Variants in LARS2 observed in about 807,000 individuals in gnomAD.
The protein encoded by LARS2 is leucyl-tRNA synthetase 2, mitochondrial, also known as leucine--tRNA ligase, mitochondrial.
Under a neutral mutation model 116.6 loss-of-function variants are expected in LARS2, and 81 were observed. That is an observed-to-expected ratio of 0.69 (90% CI 0.58 to 0.84). The LOEUF (loss-of-function observed/expected upper bound fraction) is 0.84. Ranked by LOEUF, LARS2 falls within the 40% of genes least tolerant of loss-of-function variation. The probability of loss-of-function intolerance (pLI) is 0.00; values close to 1 mark genes in which losing one functional copy is unlikely to be tolerated. For missense variants in LARS2, 968 were observed against 1,114.5 expected, an observed-to-expected ratio of 0.87 and a Z score of 1.87; for synonymous variants, 396 against 407.2, an observed-to-expected ratio of 0.97 and a Z score of 0.33.
chr3:45,428,679 A>G (rs1170758734), intron 6 of LARS2, among the ~76,000 whole-genome samples: 1 of 152,182 alleles, frequency 6.6e-6, no homozygotes, highest in East Asian at 1.9e-4. Flanking sequence ...ATGGAATAAC[A>G]TAGTATGTGT....
chr3:45,413,566 T>C (rs1330938267), intron 4 of LARS2, among the ~76,000 whole-genome samples: 2 of 152,228 alleles, frequency 1.3e-5, no homozygotes, highest in African/African-American at 4.8e-5. Context: ...TTTAGGACCT[T>C]TGCCCTCAAC....
chr3:45,443,508 G>C (rs990818964), intron 6 of LARS2, among the ~76,000 whole-genome samples: 1 of 152,144 alleles, frequency 6.6e-6, no homozygotes, highest in African/African-American at 2.4e-5. Context: ...GGTGAGCCTT[G>C]CGAGTGTCTG....
intron 8 of LARS2, among the ~76,000 whole-genome samples, chr3:45,472,615 A>C (rs983502675): frequency 2.6e-5 from 4 of 152,256 alleles, no homozygotes; most frequent in Non-Finnish European, 4.4e-5. Flanking sequence ...TTTTAGTTAG[A>C]GTATGATAAG....
chr3:45,526,248 C>A (rs960975282), intron 20 of LARS2, among the ~76,000 whole-genome samples: 3 of 152,138 alleles, frequency 2.0e-5, no homozygotes, highest in Non-Finnish European at 4.4e-5. Flanking sequence ...ATTGTTTTAT[C>A]CTTTTTGTTC....
rs1344248903 is a variant in LARS2, at chr3:45,548,013, G to GT, written c.*484dup. Reference sequence around the variant, plus strand: ...CTGCTAACTGAGCCTCCAGATGGTAGTGAATGGTCTCTTTGCCTTCAGGCT... The same window carrying GT: ...CTGCTAACTGAGCCTCCAGATGGTAGTTGAATGGTCTCTTTGCCTTCAGGCT... On this transcript the variant is annotated 3_prime_UTR_variant, in exon 22 of 22. Coordinates refer to ENST00000645846, the MANE Select transcript of LARS2 (RefSeq NM_015340.4). 6.5e-6 allele frequency: 1 copy of GT among 153,666 alleles called. No individual in the cohort carries two copies. Among genetic ancestry groups the GT allele is most frequent in the Non-Finnish European group, 1.4e-5 (1 of 69,106 alleles). 9.5% of individuals were successfully genotyped at this position (153,666 alleles called of 1,614,324 possible).
intron 15 of LARS2, among the ~76,000 whole-genome samples, chr3:45,512,632 G>A (rs1031352127): frequency 6.6e-6 from 1 of 152,088 alleles, no homozygotes; most frequent in Non-Finnish European, 1.5e-5. Flanking sequence ...TATACATAAG[G>A]TATAATCCCA....
At chr3:45,401,655 T>G (rs1467677396) in intron 4 of LARS2, among the ~76,000 whole-genome samples, 1 of 152,206 alleles carries the variant, frequency 6.6e-6, no homozygotes, top group Non-Finnish European at 1.5e-5. Flanking sequence ...GGTCTCATTT[T>G]GTCACCCCGG....
chr3:45,488,615 A>G lies in LARS2; in HGVS notation c.1124-82A>G, dbSNP rs940879286. The G allele has an allele frequency of 3.7e-6, 3 of 811,972 alleles. No individual in the cohort carries two copies. The African/African-American group carries it at 5.1e-5, about 14-fold the overall frequency. 50.3% of individuals were successfully genotyped at this position (811,972 alleles called of 1,614,324 possible). ...AGAGATAGTCTCCTTTAAGAAGCTA[A>G]ACCTGGGTGTCAGTACTGTCAGTTG... On this transcript the variant is annotated intron_variant, in intron 11 of 21. Coordinates refer to ENST00000645846, the MANE Select transcript of LARS2 (RefSeq NM_015340.4).
intron 4 of LARS2, among the ~76,000 whole-genome samples, chr3:45,411,615 TATA>T (rs1334693893): frequency 1.3e-5 from 2 of 152,220 alleles, no homozygotes; most frequent in Admixed American, 6.5e-5. Flanking sequence ...AGATCCCTGA[TATA>T]ATGTTAAATG....
At chr3:45,517,057 C>G (rs986466327) in intron 17 of LARS2, among the ~76,000 whole-genome samples, 10 of 152,148 alleles carry the variant, frequency 6.6e-5, no homozygotes, top group South Asian at 2.1e-4. Flanking sequence ...ATTTTGATTT[C>G]CAACTAGCTG....
intron 16 of LARS2, among the ~76,000 whole-genome samples, chr3:45,515,146 C>T (rs1417906318): frequency 6.6e-6 from 1 of 152,184 alleles, no homozygotes; most frequent in African/African-American, 2.4e-5. Flanking sequence ...AGCTAGGCCC[C>T]ACTGCTCATA....
At chr3:45,459,862 T>C (rs1016693064) in intron 8 of LARS2, among the ~76,000 whole-genome samples, 2 of 152,236 alleles carry the variant, frequency 1.3e-5, no homozygotes, top group African/African-American at 4.8e-5. Flanking sequence ...GGACTACTTA[T>C]GGCATGTCAT....
Position 45,400,332 on chromosome 3 carries a change from A to G in LARS2, c.322A>G (p.Ser108Gly), listed in dbSNP as rs750198721. The G allele has an allele frequency of 6.2e-7, 1 of 1,613,946 alleles. No homozygotes were observed. The highest frequency in any genetic ancestry group is 8.5e-7 in the Non-Finnish European group (1 of 1,179,888). Reference protein sequence around the residue: ...HMGHVRVYTISDTIARFQKMR... With the variant: ...HMGHVRVYTIGDTIARFQKMR... Reference sequence around the variant, plus strand: ...GGGCCATGTGCGTGTCTACACCATCAGCGACACCATAGCACGGTTCCAGAA... The same window carrying G: ...GGGCCATGTGCGTGTCTACACCATCGGCGACACCATAGCACGGTTCCAGAA... Residue 108 changes from serine (S) to glycine (G), a missense_variant, in exon 4 of 22, where the codon AGC becomes GGC. Coordinates refer to ENST00000645846, the MANE Select transcript of LARS2 (RefSeq NM_015340.4).
chr3:45,458,984 G>T, intron 8 of LARS2, 98 bp downstream of exon 8: 1 of 1,256,722 alleles, frequency 8.0e-7, no homozygotes, highest in South Asian at 1.3e-5. Flanking sequence ...TTGGGGTTGA[G>T]CTCTAGGAAG....
intron 4 of LARS2, among the ~76,000 whole-genome samples, chr3:45,406,191 G>A (rs1698229131): frequency 2.0e-5 from 3 of 152,228 alleles, no homozygotes; most frequent in African/African-American, 7.2e-5. Flanking sequence ...CTCAGAACAT[G>A]AAGTTGTTGC....
chr3:45,513,065 C>A, intron 15 of LARS2, 70 bp from the exon 16 acceptor site: 2 of 1,039,906 alleles, frequency 1.9e-6, no homozygotes, highest in Non-Finnish European at 3.0e-6. Flanking sequence ...GAGGGAAGGT[C>A]TGCGTTGCTG....
At chr3:45,515,360 C>A (rs1281199745) in intron 16 of LARS2, among the ~76,000 whole-genome samples, 1 of 152,174 alleles carries the variant, frequency 6.6e-6, no homozygotes, top group Non-Finnish European at 1.5e-5. Flanking sequence ...CCTGATGGTC[C>A]CAGTGCTCAG....
rs116165161 is a variant in LARS2 at position 45,519,210 on chromosome 3, G to A, written c.2215-1009G>A. ...ACTGTACATTTCAAAATGTAAAATTGACAAGGCGCAGTGGCTCACACCTAT... is the reference window on the plus strand; with the variant it reads ...ACTGTACATTTCAAAATGTAAAATTAACAAGGCGCAGTGGCTCACACCTAT... On this transcript the variant is annotated intron_variant, in intron 18 of 21. Coordinates refer to ENST00000645846, the MANE Select transcript of LARS2 (RefSeq NM_015340.4). 2.4e-3 allele frequency among the ~76,000 whole-genome samples: 365 copies of A among 152,134 alleles called. 2 individuals are homozygous for A. The highest frequency in any genetic ancestry group is 8.4e-3 in the African/African-American group (347 of 41,506).
chr3:45,431,665 A>G (rs1455929863), intron 6 of LARS2, among the ~76,000 whole-genome samples: 2 of 152,056 alleles, frequency 1.3e-5, no homozygotes, highest in Non-Finnish European at 2.9e-5. Context: ...GTTATAGAAT[A>G]TACACAGAAG....
Sources: gnomAD v4.1 joint callset for allele counts (sites outside exome capture counted in the v4.1 genomes callset) on GRCh38, gnomAD v4.1.1 for gene constraint, MANE v1.5 for transcripts, NCBI Gene and HGNC (gene_info 2026-07-23, HGNC 2026-07-21) for gene names.